Variants in PRKAA2 observed in about 807,000 individuals in gnomAD.
The protein encoded by PRKAA2 is protein kinase AMP-activated catalytic subunit alpha 2, also known as 5'-AMP-activated protein kinase catalytic subunit alpha-2.
PRKAA2 carries 40 observed loss-of-function variants against 56.3 expected under a neutral mutation model. The observed-to-expected ratio is 0.71, with a 90% confidence interval of 0.55 to 0.92. The LOEUF (loss-of-function observed/expected upper bound fraction) is 0.92. PRKAA2 is among the 40% of genes least tolerant of loss of function. PRKAA2 has a pLI of 0.00. For synonymous variants in PRKAA2, 214 were observed against 234.2 expected (o/e 0.91, Z 0.79); for missense variants, 542 against 686.9 (o/e 0.79, Z 2.36).
At chr1:56,689,808 G>GA (rs1220036374) in intron 2 of PRKAA2, among the ~76,000 whole-genome samples, 8 of 151,708 alleles carry the variant, frequency 5.3e-5, no homozygotes, top group East Asian at 1.9e-4. Context: ...TAGTTTTTGG[G>GA]AAAAAAATTT....
Position 56,655,280 on chromosome 1 carries a change from A to ATATATATTTTTTTTTTT in PRKAA2, c.94+9800_94+9801insATATATTTTTTTTTTTT. On this transcript the variant is annotated intron_variant, in intron 1 of 8. Transcript: ENST00000371244. ...TGTATTTATATATCTATATATATAT[A>ATATATATTTTTTTTTTT]TTTTTTTTTTTTTTTTGTAGAGACA... Among the ~76,000 whole-genome samples the ATATATATTTTTTTTTTT allele has an allele frequency of 1.3e-4, 12 of 93,652 alleles. No homozygotes were observed. The South Asian group carries it at 1.6e-3, about 12-fold the overall frequency. 61.4% of individuals were successfully genotyped at this position (93,652 alleles called of 152,430 possible).
Position 56,710,112 on chromosome 1 carries a change from C to T in PRKAA2, c.*2399C>T, listed in dbSNP as rs1325089881. 1 of 152,024 alleles carries T rather than the reference C, an allele frequency of 6.6e-6. No individual in the cohort carries two copies. The highest frequency in any genetic ancestry group is 1.5e-5 in the Non-Finnish European group (1 of 67,972). 9.4% of individuals were successfully genotyped at this position (152,024 alleles called of 1,614,324 possible). A position where few individuals can be genotyped will look rare whatever the true frequency, so the allele number is the denominator to read the frequency against. On this transcript the variant is annotated 3_prime_UTR_variant, in exon 9 of 9. Transcript: ENST00000371244. ...GAATCAGTTGTTAGCCCCAAATTTC[C>T]ACATTTCAGTGTTGTAAACTCTGAA...
intron 8 of PRKAA2, 113 bp downstream of exon 8, chr1:56,706,331 A>G: frequency 7.8e-7 from 1 of 1,287,430 alleles, no homozygotes; most frequent in East Asian, 2.4e-5. Flanking sequence ...CTGGTTTTTA[A>G]GCAATCTAGA....
intron 1 of PRKAA2, among the ~76,000 whole-genome samples, chr1:56,647,385 G>C (rs1246471108): frequency 6.6e-6 from 1 of 152,134 alleles, no homozygotes; most frequent in Non-Finnish European, 1.5e-5. Context: ...GTTTTTGCTT[G>C]TCTTTTTAAG....
chr1:56,658,361 C>T (rs1406228162), intron 1 of PRKAA2, among the ~76,000 whole-genome samples: 4 of 152,108 alleles, frequency 2.6e-5, no homozygotes, highest in African/African-American at 7.2e-5. Flanking sequence ...GGAGATGAAG[C>T]ATGTGGAATA....
chr1:56,674,483 A>G lies in PRKAA2; in HGVS notation c.197A>G (p.Gln66Arg). The part of the protein sequence containing the change: ...DVVGKIKREI[Q>R]NLKLFRHPHI... ...GTTGGAAAAATAAAACGAGAAATTC[A>G]AAATCTAAAACTCTTTCGTCATCCT... The change falls in exon 2 of 9, where the codon CAA becomes CGA. Residue 66 changes from glutamine (Q) to arginine (R), a missense_variant. By Grantham distance (43) the Gln-to-Arg change is conservative (BLOSUM62 1). Around this residue, in one of 5 missense-constraint regions of PRKAA2, gnomAD observed 121 missense variants for 210.0 expected, o/e 0.58. Coordinates refer to ENST00000371244, the MANE Select transcript of PRKAA2 (RefSeq NM_006252.4). The G allele has an allele frequency of 6.4e-7, 1 of 1,563,262 alleles. No individual in the cohort carries two copies.
rs1178723294 is a variant in PRKAA2 at position 56,712,042 on chromosome 1, A to T, written c.*4329A>T. The T allele has an allele frequency of 6.6e-6, 1 of 152,182 alleles. No homozygotes were observed. The highest frequency in any genetic ancestry group is 2.4e-5 in the African/African-American group (1 of 41,460). 9.4% of individuals were successfully genotyped at this position (152,182 alleles called of 1,614,324 possible). ...AGCAAAGCATTACAAATTTGGAGTG[A>T]TGAAAGTGTTCCATATATTTTTTAT... On this transcript the variant is annotated 3_prime_UTR_variant, in exon 9 of 9. Coordinates refer to ENST00000371244, the MANE Select transcript of PRKAA2 (RefSeq NM_006252.4).
In PRKAA2 at chr1:56,713,748, G is replaced by A. The variant is rs1452548378; in HGVS notation, c.*6035G>A. 1.4e-5 allele frequency: 2 copies of A among 147,078 alleles called. No individual in the cohort carries two copies. Among genetic ancestry groups the A allele is most frequent in the South Asian group, 2.2e-4 (1 of 4,650 alleles). The allele number at this position is 147,078 out of a possible 1,614,324, so 9.1% of individuals were successfully genotyped here. ...TATTTTTTTTTCTACTAATTTAAACGTGCATTTTTCACAGTTACACATTTA... is the reference window on the plus strand; with the variant it reads ...TATTTTTTTTTCTACTAATTTAAACATGCATTTTTCACAGTTACACATTTA... On this transcript the variant is annotated 3_prime_UTR_variant, in exon 9 of 9. Coordinates refer to ENST00000371244, the MANE Select transcript of PRKAA2 (RefSeq NM_006252.4).
chr1:56,676,465 A>G (rs1050971134), intron 2 of PRKAA2, among the ~76,000 whole-genome samples: 1 of 152,236 alleles, frequency 6.6e-6, no homozygotes, highest in East Asian at 1.9e-4. Context: ...AAGCTGGGAA[A>G]TGCAAAGAAA....
intron 1 of PRKAA2, 89 bp downstream of exon 1, chr1:56,645,570 C>A (rs1241739539): frequency 8.0e-7 from 1 of 1,249,056 alleles, no homozygotes; most frequent in Non-Finnish European, 1.1e-6. Context: ...CTCCGGCGGG[C>A]GCGGGGCTCG....
chr1:56,695,774 T>C (rs541842234), intron 5 of PRKAA2, among the ~76,000 whole-genome samples, 161 bp from the exon 6 acceptor site: 1 of 152,144 alleles, frequency 6.6e-6, no homozygotes, highest in Admixed American at 6.5e-5. Context: ...ATTACTCTCT[T>C]TGGGGAACAA....
chr1:56,710,870 A>G lies in PRKAA2; in HGVS notation c.*3157A>G, dbSNP rs1306724562. ...ATCAGTGTCACTGATTCTTACTTTTAAAATGTGTAGTCAGTGAACATTTTC... is the reference window on the plus strand; with the variant it reads ...ATCAGTGTCACTGATTCTTACTTTTGAAATGTGTAGTCAGTGAACATTTTC... On this transcript the variant is annotated 3_prime_UTR_variant, in exon 9 of 9. Transcript: ENST00000371244. The G allele has an allele frequency of 6.6e-6, 1 of 152,082 alleles. No individual in the cohort carries two copies. Among genetic ancestry groups the G allele is most frequent in the Non-Finnish European group, 1.5e-5 (1 of 67,978 alleles). The allele number at this position is 152,082 out of a possible 1,614,324, so 9.4% of individuals were successfully genotyped here. A position where few individuals can be genotyped will look rare whatever the true frequency, so the allele number is the denominator to read the frequency against.
At chr1:56,680,519 C>G (rs1644145898) in intron 2 of PRKAA2, among the ~76,000 whole-genome samples, 1 of 152,060 alleles carries the variant, frequency 6.6e-6, no homozygotes, top group African/African-American at 2.4e-5. Context: ...TCCTGCCACC[C>G]CATGACAGGC....
rs1644353017 is a variant in PRKAA2 at position 56,709,122 on chromosome 1, T to G, written c.*1409T>G. On this transcript the variant is annotated 3_prime_UTR_variant, in exon 9 of 9. Transcript: ENST00000371244. ...TTTTTATGTTGTAATTAACACTTATTTACCTGGATTACCCTAAAAAAATTA... is the reference window on the plus strand; with the variant it reads ...TTTTTATGTTGTAATTAACACTTATGTACCTGGATTACCCTAAAAAAATTA... 2.0e-5 allele frequency: 3 copies of G among 152,168 alleles called. No homozygotes were observed. In the South Asian group the frequency reaches 6.2e-4, roughly 32 times the overall value. 9.4% of individuals were successfully genotyped at this position (152,168 alleles called of 1,614,324 possible).
At chr1:56,666,777 T>C (rs183181643) in intron 1 of PRKAA2, among the ~76,000 whole-genome samples, 1 of 152,296 alleles carries the variant, frequency 6.6e-6, no homozygotes, top group East Asian at 1.9e-4. Flanking sequence ...ATATAAATAC[T>C]TTATGTATAC....
intron 1 of PRKAA2, among the ~76,000 whole-genome samples, chr1:56,654,141 A>G (rs773769118): frequency 2.3e-4 from 35 of 152,136 alleles, no homozygotes; most frequent in Non-Finnish European, 4.4e-4. Context: ...ACATATCCAT[A>G]TAAATTAGAA....
At chr1:56,690,198 C>T (rs1442038191) in intron 2 of PRKAA2, among the ~76,000 whole-genome samples, 1 of 148,376 alleles carries the variant, frequency 6.7e-6, no homozygotes, top group African/African-American at 2.5e-5. Context: ...GAGTCTCGCT[C>T]TGTTGCCCAT....
rs1391200201 is a variant in PRKAA2, at chr1:56,715,209, CTAAT to C, written c.*7501_*7504del. On this transcript the variant is annotated 3_prime_UTR_variant, in exon 9 of 9. Transcript: ENST00000371244. ...AGCATTTCATAGTTACAGATTCTTCCTAATTAATGTTTGCACCATATGAAACTCA... is the reference window on the plus strand; with the variant it reads ...AGCATTTCATAGTTACAGATTCTTCCTAATGTTTGCACCATATGAAACTCA... 7.9e-5 allele frequency: 12 copies of C among 152,258 alleles called. No individual in the cohort carries two copies. Among genetic ancestry groups the C allele is most frequent in the African/African-American group, 2.9e-4 (12 of 41,558 alleles). 9.4% of individuals were successfully genotyped at this position (152,258 alleles called of 1,614,324 possible). A position where few individuals can be genotyped will look rare whatever the true frequency, so the allele number is the denominator to read the frequency against.
In PRKAA2 at chr1:56,696,028, A is replaced by G. The variant is rs111710427; in HGVS notation, c.657A>G (p.Val219=). 2 of 1,612,230 alleles carry G rather than the reference A, an allele frequency of 1.2e-6. No homozygotes were observed. Among genetic ancestry groups the G allele is most frequent in the South Asian group, 1.1e-5 (1 of 90,926 alleles). The change falls in exon 6 of 9, where the codon GTA becomes GTG. Residue 219 remains valine, a synonymous_variant. Transcript: ENST00000371244. ...CGTLPFDDEH[V]PTLFKKIRGG... is the part of the protein sequence containing the mutation. ...CCCTCCCATTTGATGATGAGCATGT[A>G]CCTACGTTATTTAAGAAGATCCGAG... is the stretch of plus-strand genomic sequence containing the variant.
Sources: allele counts gnomAD v4.1 joint callset (sites outside exome capture counted in the v4.1 genomes callset), GRCh38; gene constraint gnomAD v4.1.1; regional missense constraint gnomAD v4.1.1; transcripts MANE v1.5; gene names NCBI Gene and HGNC (gene_info 2026-07-23, HGNC 2026-07-21).